The following PPM1L variants were observed in gnomAD, a reference collection of about 807,000 sequenced individuals.
The protein encoded by PPM1L is protein phosphatase, Mg2+/Mn2+ dependent 1L.
PPM1L carries 13 observed loss-of-function variants against 31.4 expected under a neutral mutation model. The ratio of observed to expected loss-of-function variants is 0.41; its 90% CI spans 0.27 to 0.66. The LOEUF (loss-of-function observed/expected upper bound fraction) is 0.66, where lower values mean the gene tolerates loss of function less well. PPM1L is among the 30% of genes least tolerant of loss of function. The pLI, the probability that PPM1L is intolerant of heterozygous loss-of-function variation, is 0.29. For synonymous variants in PPM1L, 184 were observed against 175.4 expected, an observed-to-expected ratio of 1.05 and a Z score of -0.39; for missense variants, 326 against 453.7, an observed-to-expected ratio of 0.72 and a Z score of 2.56.
At chr3:160,918,915 A>G (rs561864999) in intron 1 of PPM1L, among the ~76,000 whole-genome samples, 1 of 152,352 alleles carries the variant, frequency 6.6e-6, no homozygotes, top group Non-Finnish European at 1.5e-5. Context: ...CAAAAATGCC[A>G]TGTTGAAGTT....
intron 1 of PPM1L, among the ~76,000 whole-genome samples, chr3:160,822,297 A>G (rs1230170968): frequency 6.6e-6 from 1 of 151,996 alleles, no homozygotes; most frequent in Non-Finnish European, 1.5e-5. Context: ...AGATCATCCC[A>G]TGATCCAGAA....
intron 2 of PPM1L, among the ~76,000 whole-genome samples, chr3:160,972,644 A>C (rs1716389389): frequency 6.6e-6 from 1 of 151,912 alleles, no homozygotes; most frequent in Non-Finnish European, 1.5e-5. Context: ...ATTGTGAATA[A>C]TGCTGCAATA....
chr3:160,854,769 A>C (rs1446148399), intron 1 of PPM1L, among the ~76,000 whole-genome samples: 2 of 152,144 alleles, frequency 1.3e-5, no homozygotes, highest in Non-Finnish European at 2.9e-5. Context: ...GTATTGTTAA[A>C]ATGGCCATAT....
chr3:160,859,139 A>G (rs1308318907), intron 1 of PPM1L, among the ~76,000 whole-genome samples: 1 of 152,202 alleles, frequency 6.6e-6, no homozygotes, highest in Non-Finnish European at 1.5e-5. Context: ...ATTGTGGGCA[A>G]TCTGCACATG....
chr3:161,003,336 C>T (rs1300112218), intron 2 of PPM1L, among the ~76,000 whole-genome samples: 12 of 151,004 alleles, frequency 7.9e-5, no homozygotes, highest in Non-Finnish European at 1.5e-4. Flanking sequence ...TTTTTTGGTT[C>T]CATATGAACT....
intron 2 of PPM1L, among the ~76,000 whole-genome samples, chr3:161,028,227 A>G (rs1718465028): frequency 6.6e-6 from 1 of 152,188 alleles, no homozygotes; most frequent in Admixed American, 6.5e-5. Flanking sequence ...AATATTGATG[A>G]CATTCTGTGA....
chr3:160,924,724 G>A (rs1464227589), intron 1 of PPM1L, among the ~76,000 whole-genome samples: 1 of 152,160 alleles, frequency 6.6e-6, no homozygotes, highest in East Asian at 1.9e-4. Flanking sequence ...GTACCTCATG[G>A]CCTATCAAAG....
At chr3:160,826,189 TACCTCTGAGATG>T (rs112574109) in intron 1 of PPM1L, among the ~76,000 whole-genome samples, 25 of 152,138 alleles carry the variant, frequency 1.6e-4, no homozygotes, top group African/African-American at 6.0e-4. Flanking sequence ...GTAATAGTCT[TACCTCTGAGATG>T]AGTACCATGG....
chr3:160,832,269 A>T (rs1713543998), intron 1 of PPM1L, among the ~76,000 whole-genome samples: 1 of 152,060 alleles, frequency 6.6e-6, no homozygotes, highest in South Asian at 2.1e-4. Context: ...GGGATGGGGA[A>T]CTCAGGCCAG....
At chr3:160,789,986 A>G (rs1712053901) in intron 1 of PPM1L, among the ~76,000 whole-genome samples, 1 of 152,160 alleles carries the variant, frequency 6.6e-6, no homozygotes, top group South Asian at 2.1e-4. Context: ...TAGATTACTT[A>G]TAATACCTAA....
At chr3:160,834,600 C>G (rs1485617748) in intron 1 of PPM1L, among the ~76,000 whole-genome samples, 2 of 151,654 alleles carry the variant, frequency 1.3e-5, no homozygotes, top group African/African-American at 4.8e-5. Context: ...ATCCACTAAT[C>G]TTTTCTCCAT....
chr3:160,955,281 G>T (rs1046073699), intron 1 of PPM1L, among the ~76,000 whole-genome samples: 21 of 152,018 alleles, frequency 1.4e-4, no homozygotes, highest in African/African-American at 5.1e-4. Context: ...AAAGTGCTGT[G>T]ATTACAGGTG....
intron 2 of PPM1L, among the ~76,000 whole-genome samples, chr3:161,006,366 AGTT>A (rs1179195739): frequency 6.6e-6 from 1 of 152,176 alleles, no homozygotes; most frequent in Non-Finnish European, 1.5e-5. Flanking sequence ...GGGAATAGGC[AGTT>A]GTTGTTTGAT....
intron 1 of PPM1L, among the ~76,000 whole-genome samples, chr3:160,768,972 A>C (rs887747591): frequency 2.0e-5 from 3 of 152,234 alleles, no homozygotes; most frequent in African/African-American, 4.8e-5. Context: ...ATCCAGAGAC[A>C]TGAGCAGGAA....
In PPM1L at chr3:161,074,333, T is replaced by C. The variant is rs914514634; in HGVS notation, c.*5176T>C. ...CTTCCTGTAGTTCCACAGTAGTTAC[T>C]CTTGGCTGCAGAAATAGGTTTGGGA... is the stretch of plus-strand genomic sequence containing the variant. On this transcript the variant is annotated 3_prime_UTR_variant, in exon 4 of 4. Coordinates refer to ENST00000498165, the MANE Select transcript of PPM1L (RefSeq NM_139245.4). 1 of 152,214 alleles carries C rather than the reference T, an allele frequency of 6.6e-6. No individual in the cohort carries two copies. Among genetic ancestry groups the C allele is most frequent in the African/African-American group, 2.4e-5 (1 of 41,442 alleles). 9.4% of individuals were successfully genotyped at this position (152,214 alleles called of 1,614,324 possible).
At chr3:160,928,833 C>T (rs183607246) in intron 1 of PPM1L, among the ~76,000 whole-genome samples, 2 of 152,192 alleles carry the variant, frequency 1.3e-5, no homozygotes, top group East Asian at 3.9e-4. Flanking sequence ...GCGAATACCT[C>T]GATGTTGGGC....
chr3:160,816,917 T>C (rs951448668), intron 1 of PPM1L, among the ~76,000 whole-genome samples: 1 of 152,122 alleles, frequency 6.6e-6, no homozygotes, highest in Non-Finnish European at 1.5e-5. Flanking sequence ...TTTTTGTTGG[T>C]AATTATTGAT....
intron 2 of PPM1L, among the ~76,000 whole-genome samples, chr3:160,989,446 C>A (rs778644): frequency 0.13 from 19,316 of 150,974 alleles, 1,395 homozygotes; most frequent in East Asian, 0.28. Flanking sequence ...CTCTTGTTAC[C>A]CAGGCTGGAG....
At chr3:161,042,062 T>C (rs1030631799) in intron 2 of PPM1L, among the ~76,000 whole-genome samples, 3 of 152,050 alleles carry the variant, frequency 2.0e-5, no homozygotes, top group African/African-American at 7.2e-5. Flanking sequence ...AATACAAACC[T>C]TCCTCCCCAC....
Sources: allele counts gnomAD v4.1 joint callset (sites outside exome capture counted in the v4.1 genomes callset), GRCh38; gene constraint gnomAD v4.1.1; transcripts MANE v1.5; gene names NCBI Gene and HGNC (gene_info 2026-07-23, HGNC 2026-07-21).